PDE8A: variants seen among roughly 807,000 people sequenced by gnomAD.
PDE8A encodes high affinity cAMP-specific and IBMX-insensitive 3',5'-cyclic phosphodiesterase 8A.
In PDE8A, 59 loss-of-function variants were observed where a neutral mutation model predicts 105.0. The ratio of observed to expected loss-of-function variants is 0.56; its 90% CI spans 0.46 to 0.70. The LOEUF (loss-of-function observed/expected upper bound fraction) is 0.70. Among genes scored for constraint, PDE8A ranks in the 30% least tolerant of loss-of-function variants. The pLI, the probability that PDE8A is intolerant of heterozygous loss-of-function variation, is 0.00. For missense variants in PDE8A, 1,014 were observed against 1,045.9 expected (o/e 0.97, Z 0.42); for synonymous variants, 355 against 371.9 (o/e 0.95, Z 0.52).
At chr15:85,089,150 G>A (rs744422) in intron 6 of PDE8A, among the ~76,000 whole-genome samples, 188 bp from the exon 7 acceptor site, 55,991 of 151,992 alleles carry the variant, frequency 0.37, 11,042 homozygotes, top group Middle Eastern at 0.5. Context: ...GAAAGATACC[G>A]CAGTGTGTAC....
At chr15:85,045,652 A>G (rs2080875479) in intron 1 of PDE8A, among the ~76,000 whole-genome samples, 1 of 152,188 alleles carries the variant, frequency 6.6e-6, no homozygotes, top group Non-Finnish European at 1.5e-5. Context: ...CTCTCCTGCT[A>G]CCCAAGGGAC....
At chr15:85,011,056 C>T (rs573973285) in intron 1 of PDE8A, among the ~76,000 whole-genome samples, 1 of 152,262 alleles carries the variant, frequency 6.6e-6, no homozygotes, top group East Asian at 1.9e-4. Flanking sequence ...TCTTGGCTGT[C>T]CTCCCCATTC....
chr15:85,083,454 T>C, intron 5 of PDE8A, 102 bp from the exon 6 acceptor site: 1 of 679,626 alleles, frequency 1.5e-6, no homozygotes, highest in Non-Finnish European at 2.6e-6. Context: ...ATTTTTTAGA[T>C]TTCAGTTGCC....
chr15:85,069,556 C>G (rs535104140), intron 3 of PDE8A, among the ~76,000 whole-genome samples: 1 of 152,256 alleles, frequency 6.6e-6, no homozygotes, highest in Admixed American at 6.5e-5. Context: ...TGGCTCCTAA[C>G]AGATCCTGGT....
chr15:85,094,314 C>A (rs1033643111), intron 8 of PDE8A, among the ~76,000 whole-genome samples: 1 of 152,156 alleles, frequency 6.6e-6, no homozygotes. Flanking sequence ...AAAACTTTTA[C>A]CTTCATTAGC....
intron 12 of PDE8A, among the ~76,000 whole-genome samples, chr15:85,110,193 G>T (rs890546676): frequency 6.6e-6 from 1 of 152,218 alleles, no homozygotes; most frequent in African/African-American, 2.4e-5. Context: ...ACCCTCTGCA[G>T]TCCTGGAGCA....
At chr15:85,052,236 C>T (rs543558626) in intron 1 of PDE8A, among the ~76,000 whole-genome samples, 2 of 152,240 alleles carry the variant, frequency 1.3e-5, no homozygotes, top group Admixed American at 1.3e-4. Context: ...TGGGCATTTG[C>T]GTTGGTTCCA....
intron 1 of PDE8A, among the ~76,000 whole-genome samples, chr15:84,983,431 TTC>T (rs2079752422): frequency 6.6e-6 from 1 of 152,226 alleles, no homozygotes; most frequent in Non-Finnish European, 1.5e-5. Context: ...TTGATGTACT[TTC>T]TGTCTTACAT....
intron 1 of PDE8A, among the ~76,000 whole-genome samples, chr15:85,034,068 T>C (rs868780557): frequency 2.6e-5 from 4 of 152,108 alleles, no homozygotes; most frequent in African/African-American, 4.8e-5. Context: ...TATTAGATTT[T>C]AAATGTAAAG....
At chr15:85,008,912 G>C (rs1031992521) in intron 1 of PDE8A, among the ~76,000 whole-genome samples, 1 of 152,252 alleles carries the variant, frequency 6.6e-6, no homozygotes, top group African/African-American at 2.4e-5. Flanking sequence ...ACCTTAGTAA[G>C]CCTGTGAGGC....
chr15:85,019,717 C>T (rs1173190939), intron 1 of PDE8A, among the ~76,000 whole-genome samples: 1 of 151,924 alleles, frequency 6.6e-6, no homozygotes, highest in Non-Finnish European at 1.5e-5. Flanking sequence ...GTAGCTGGGA[C>T]TACAGGCACC....
intron 1 of PDE8A, among the ~76,000 whole-genome samples, chr15:85,013,201 G>A (rs1041745224): frequency 6.6e-6 from 1 of 152,136 alleles, no homozygotes; most frequent in African/African-American, 2.4e-5. Flanking sequence ...TCACAGATTT[G>A]GACCTTAGCA....
chr15:85,128,052 CAA>C (rs61221393), intron 20 of PDE8A, among the ~76,000 whole-genome samples: 29 of 57,226 alleles, frequency 5.1e-4, no homozygotes, highest in African/African-American at 1.5e-3. Flanking sequence ...TATTCCTATG[CAA>C]AAAAAAAAAA....
intron 1 of PDE8A, among the ~76,000 whole-genome samples, chr15:84,994,346 T>G (rs1048109946): frequency 1.3e-5 from 2 of 152,264 alleles, no homozygotes; most frequent in African/African-American, 4.8e-5. Context: ...GAGTTATAAA[T>G]GTAATCAGCC....
At chr15:84,988,503 C>A (rs570622631) in intron 1 of PDE8A, among the ~76,000 whole-genome samples, 1 of 152,362 alleles carries the variant, frequency 6.6e-6, no homozygotes, top group African/African-American at 2.4e-5. Flanking sequence ...AATCTGCCCT[C>A]TTTGCTGTCT....
rs183331783 is a variant in PDE8A, at chr15:85,091,301, T to C, written c.852+120T>C. Reference sequence around the variant, plus strand: ...CTCCTCCCAGCAGCCCAGGGAAGTATAGGGAATGTTATCCCTGTTATATCC... The same window carrying C: ...CTCCTCCCAGCAGCCCAGGGAAGTACAGGGAATGTTATCCCTGTTATATCC... On this transcript the variant is annotated intron_variant, in intron 8 of 21. Transcript: ENST00000394553. The C allele has an allele frequency of 9.4e-4, 777 of 827,508 alleles. 2 individuals carry two copies. Among genetic ancestry groups the C allele is most frequent in the Non-Finnish European group, 1.3e-3 (710 of 559,724 alleles). 51.3% of individuals were successfully genotyped at this position (827,508 alleles called of 1,614,324 possible).
At chr15:85,135,617 G>A (rs1462081303) in intron 20 of PDE8A, among the ~76,000 whole-genome samples, 4 of 152,090 alleles carry the variant, frequency 2.6e-5, no homozygotes, top group African/African-American at 4.8e-5. Context: ...CAGCGATTCC[G>A]GTTGCACATC....
Position 85,100,099 on chromosome 15 carries a change from A to G in PDE8A, c.993+33A>G, listed in dbSNP as rs767330289. ...AGGAGAGCCCCCCGGGGCCCCAGGAACACCCCAGCAAGATTTTCAGCAATC... is the reference window on the plus strand; with the variant it reads ...AGGAGAGCCCCCCGGGGCCCCAGGAGCACCCCAGCAAGATTTTCAGCAATC... On this transcript the variant is annotated intron_variant, in intron 10 of 21. Coordinates refer to ENST00000394553, the MANE Select transcript of PDE8A (RefSeq NM_002605.3). 5.0e-6 allele frequency: 8 copies of G among 1,612,766 alleles called. No homozygotes were observed. In the East Asian group the frequency reaches 1.8e-4, roughly 36 times the overall value.
intron 5 of PDE8A, among the ~76,000 whole-genome samples, chr15:85,080,250 A>G (rs1337879954): frequency 6.6e-6 from 1 of 152,174 alleles, no homozygotes; most frequent in Non-Finnish European, 1.5e-5. Flanking sequence ...AACCCCCACA[A>G]CATACATACA....
Sources: gnomAD v4.1 joint callset for allele counts (sites outside exome capture counted in the v4.1 genomes callset) on GRCh38, gnomAD v4.1.1 for gene constraint, MANE v1.5 for transcripts, NCBI Gene and HGNC (gene_info 2026-07-23, HGNC 2026-07-21) for gene names.